Variants in SLC44A3 observed in about 807,000 individuals in gnomAD.
SLC44A3 encodes the protein choline transporter-like protein 3.
In SLC44A3, 74 loss-of-function variants were observed where a neutral mutation model predicts 75.4. That is an observed-to-expected ratio of 0.98 (90% CI 0.81 to 1.19). The LOEUF (loss-of-function observed/expected upper bound fraction) is 1.19. Among genes scored for constraint, SLC44A3 ranks in the 50% most tolerant of loss-of-function variants. The pLI, the probability that SLC44A3 is intolerant of heterozygous loss-of-function variation, is 0.00. For synonymous variants in SLC44A3, 310 were observed against 296.9 expected (o/e 1.04, Z -0.45); for missense variants, 700 against 778.6 (o/e 0.90, Z 1.20).
intron 12 of SLC44A3, among the ~76,000 whole-genome samples, chr1:94,870,597 TG>T (rs1432280652): frequency 3.9e-5 from 6 of 152,176 alleles, no homozygotes; most frequent in Non-Finnish European, 7.3e-5. Flanking sequence ...ATAACAGCTG[TG>T]GGTATTGGCA....
At chr1:94,837,561 T>C in intron 5 of SLC44A3, 150 bp from the exon 6 acceptor site, 3 of 622,730 alleles carry the variant, frequency 4.8e-6, no homozygotes, top group Non-Finnish European at 7.5e-6. Context: ...TTGCCTGGCT[T>C]TCTAAGGTGT....
chr1:94,853,855 C>T (rs1451126630), intron 9 of SLC44A3, among the ~76,000 whole-genome samples: 2 of 122,650 alleles, frequency 1.6e-5, no homozygotes, highest in Admixed American at 9.0e-5. Flanking sequence ...ATGGTATCCT[C>T]TCTCTGATTT....
chr1:94,841,202 A>C (rs1157140335), intron 7 of SLC44A3, among the ~76,000 whole-genome samples: 2 of 152,228 alleles, frequency 1.3e-5, no homozygotes, highest in African/African-American at 4.8e-5. Context: ...AAACACATCT[A>C]AGCACAGAAA....
rs553987518 is a variant in SLC44A3 at position 94,883,985 on chromosome 1, A to C, written c.1483-7145A>C. On this transcript the variant is annotated intron_variant, in intron 12 of 14. Coordinates refer to ENST00000271227, the MANE Select transcript of SLC44A3 (RefSeq NM_001114106.3). ...GCAATGTTAGCAGTGGTTATTTCTA[A>C]GGGGTGGGATCACAGTGGCCTTCTT... is the stretch of plus-strand genomic sequence containing the variant. 4.6e-5 allele frequency among the ~76,000 whole-genome samples: 7 copies of C among 152,188 alleles called. No homozygotes were observed. The South Asian group carries it at 1.3e-3, about 27-fold the overall frequency.
intron 10 of SLC44A3, 23 bp from the exon 11 acceptor site, chr1:94,864,720 G>T (rs1449911491): frequency 6.2e-7 from 1 of 1,605,920 alleles, no homozygotes; most frequent in Non-Finnish European, 8.5e-7. Flanking sequence ...TTTTTAAAAT[G>T]CTATCCTTTT....
intron 12 of SLC44A3, among the ~76,000 whole-genome samples, chr1:94,886,274 A>G (rs1669574961): frequency 6.6e-6 from 1 of 152,074 alleles, no homozygotes; most frequent in Non-Finnish European, 1.5e-5. Flanking sequence ...GATGAGGGAG[A>G]TCTGACCTGA....
chr1:94,835,203 A>G (rs989886625), intron 5 of SLC44A3, among the ~76,000 whole-genome samples: 2 of 152,176 alleles, frequency 1.3e-5, no homozygotes, highest in African/African-American at 2.4e-5. Flanking sequence ...TAATCCCAAC[A>G]CTTTGAGAGG....
chr1:94,858,048 G>A (rs750565012), intron 10 of SLC44A3, among the ~76,000 whole-genome samples: 10 of 152,038 alleles, frequency 6.6e-5, no homozygotes, highest in Non-Finnish European at 1.0e-4. Context: ...TCTTGACCTC[G>A]TGATATGCCT....
At chr1:94,852,802 G>C (rs1193174841) in intron 9 of SLC44A3, among the ~76,000 whole-genome samples, 1 of 152,228 alleles carries the variant, frequency 6.6e-6, no homozygotes, top group Non-Finnish European at 1.5e-5. Flanking sequence ...AGAAGACTCT[G>C]AGGGATTTTG....
In SLC44A3 at chr1:94,820,358, G is replaced by C; in HGVS notation, c.-94G>C. 3 of 1,263,504 alleles carry C rather than the reference G, an allele frequency of 2.4e-6. No individual in the cohort carries two copies. The allele number at this position is 1,263,504 out of a possible 1,614,324, so 78.3% of individuals were successfully genotyped here. On this transcript the variant is annotated 5_prime_UTR_variant, in exon 1 of 15. Coordinates refer to ENST00000271227, the MANE Select transcript of SLC44A3 (RefSeq NM_001114106.3). ...GGCTCCAGCCCCAGCCCCAGCCCCAGCCCCGGCCCCGGCCCCGGCTCGCGG... is the reference window on the plus strand; with the variant it reads ...GGCTCCAGCCCCAGCCCCAGCCCCACCCCCGGCCCCGGCCCCGGCTCGCGG...
intron 10 of SLC44A3, among the ~76,000 whole-genome samples, chr1:94,861,910 G>A (rs9432596): frequency 0.16 from 24,737 of 152,184 alleles, 2,186 homozygotes; most frequent in Middle Eastern, 0.25. Context: ...GTGGTGGAGG[G>A]ACACTTGAGG....
chr1:94,832,999 C>T (rs145532896), intron 5 of SLC44A3, among the ~76,000 whole-genome samples: 8 of 151,620 alleles, frequency 5.3e-5, no homozygotes, highest in Non-Finnish European at 1.0e-4. Flanking sequence ...AAATATTCAG[C>T]CCAATGTGAT....
chr1:94,826,546 G>C (rs1412870920), intron 3 of SLC44A3, among the ~76,000 whole-genome samples: 3 of 151,958 alleles, frequency 2.0e-5, no homozygotes, highest in Non-Finnish European at 4.4e-5. Context: ...AGCTACTCAG[G>C]AGGCTGATGC....
intron 5 of SLC44A3, 119 bp from the exon 6 acceptor site, chr1:94,837,592 G>A (rs1474259516): frequency 2.1e-6 from 2 of 942,306 alleles, no homozygotes; most frequent in Non-Finnish European, 3.0e-6. Context: ...TGGCATGCTA[G>A]ACGCCTCTCT....
Position 94,869,559 on chromosome 1 carries a change from G to A in SLC44A3, c.1482+2142G>A, listed in dbSNP as rs574235158. Among the ~76,000 whole-genome samples the A allele has an allele frequency of 5.9e-5, 9 of 152,262 alleles. No individual in the cohort carries two copies. In the East Asian group the frequency reaches 1.7e-3, roughly 29 times the overall value. The stretch of plus-strand genomic sequence containing the variant: ...TCAGAGGCCTAAGGTTCAGGAGATT[G>A]GGAAGAGGAGGAAGAATGAAAAAAC... On this transcript the variant is annotated intron_variant, in intron 12 of 14. Transcript: ENST00000271227.
intron 9 of SLC44A3, among the ~76,000 whole-genome samples, chr1:94,850,240 C>G (rs1665033740): frequency 6.6e-6 from 1 of 152,040 alleles, no homozygotes; most frequent in Non-Finnish European, 1.5e-5. Flanking sequence ...TTGCACCACC[C>G]AACAATGACA....
At chr1:94,888,656 A>G in intron 12 of SLC44A3, 2 of 982,594 alleles carry the variant, frequency 2.0e-6, no homozygotes, top group African/African-American at 1.8e-5. Flanking sequence ...TTTTTTTTGC[A>G]GGAAATTCAT....
At position 94,829,240 on chromosome 1, in the gene SLC44A3, G is replaced by A. The variant is rs1661784225; in HGVS notation, c.509+654G>A. On this transcript the variant is annotated intron_variant, in intron 5 of 14. Transcript: ENST00000271227. ...GGAGGTTGCAGTGAGCCGAGATCGC[G>A]ACACTGCACTCCAGCCTGGTGACAG... 2.6e-5 allele frequency among the ~76,000 whole-genome samples: 4 copies of A among 151,538 alleles called. 1 individual carries two copies. The highest frequency in any genetic ancestry group is 4.2e-4 in the South Asian group (2 of 4,796).
At chr1:94,874,321 C>T (rs945329676) in intron 12 of SLC44A3, among the ~76,000 whole-genome samples, 1 of 152,226 alleles carries the variant, frequency 6.6e-6, no homozygotes, top group East Asian at 1.9e-4. Context: ...AGCAGCCTCT[C>T]TGGAGCCTAG....
Sources: gnomAD v4.1 joint callset for allele counts (sites outside exome capture counted in the v4.1 genomes callset) on GRCh38, gnomAD v4.1.1 for gene constraint, MANE v1.5 for transcripts, NCBI Gene and HGNC (gene_info 2026-07-23, HGNC 2026-07-21) for gene names.